ANKRD26: variants seen among roughly 807,000 people sequenced by gnomAD.
The protein encoded by ANKRD26 is ankyrin repeat domain-containing protein 26.
A neutral mutation model predicts 208.7 loss-of-function variants in ANKRD26; 141 were observed. The observed-to-expected ratio is 0.68, with a 90% CI of 0.59 to 0.78. The LOEUF (loss-of-function observed/expected upper bound fraction) is 0.78. Among genes scored for constraint, ANKRD26 ranks in the 30% least tolerant of loss-of-function variants. The pLI is 0.00. For missense variants in ANKRD26, 1,889 were observed against 1,938.7 expected (o/e 0.97, Z 0.48); for synonymous variants, 636 against 660.4 (o/e 0.96, Z 0.57).
intron 5 of ANKRD26, among the ~76,000 whole-genome samples, chr10:26,980,336 T>C (rs1354972074): frequency 1.3e-5 from 2 of 152,190 alleles, no homozygotes; most frequent in African/African-American, 4.8e-5. Context: ...CCTTTGGAAA[T>C]TGACTCTGCT....
chr10:26,955,655 G>A, the ANKRD26 span, among the ~76,000 whole-genome samples: 3 of 152,212 alleles, frequency 2.0e-5, no homozygotes, highest in African/African-American at 4.8e-5. Context: ...TGGCTAGATC[G>A]TGTTGAAATG....
At chr10:27,076,652 T>C (rs915070103) in intron 9 of ANKRD26, among the ~76,000 whole-genome samples, 1 of 152,140 alleles carries the variant, frequency 6.6e-6, no homozygotes, top group South Asian at 2.1e-4. Context: ...CAAGTAGGAA[T>C]GAATGTGGAG....
At chr10:27,079,039 C>A (rs368732491) in intron 7 of ANKRD26, 50 bp downstream of exon 7, 6 of 1,505,176 alleles carry the variant, frequency 4.0e-6, no homozygotes, top group Non-Finnish European at 4.6e-6. Flanking sequence ...GAATACTATA[C>A]GAAACTAGAT....
At chr10:27,050,505 A>C (rs1205573186) in intron 16 of ANKRD26, among the ~76,000 whole-genome samples, 8 of 152,236 alleles carry the variant, frequency 5.3e-5, no homozygotes, top group Admixed American at 5.2e-4. Context: ...AAAATCTTTA[A>C]AGTGATCAGA....
At chr10:27,006,677 C>A (rs1014644942) in intron 33 of ANKRD26, among the ~76,000 whole-genome samples, 1 of 147,724 alleles carries the variant, frequency 6.8e-6, no homozygotes. Context: ...AAAAGAGGTG[C>A]AAAGATTTCT....
chr10:27,049,242 C>G (rs907220502), intron 16 of ANKRD26, among the ~76,000 whole-genome samples: 2 of 152,078 alleles, frequency 1.3e-5, no homozygotes, highest in African/African-American at 4.8e-5. Context: ...ATTTCAAAGG[C>G]TCTTCTTAAT....
At chr10:27,075,915 G>T (rs563087411) in intron 9 of ANKRD26, among the ~76,000 whole-genome samples, 1 of 152,240 alleles carries the variant, frequency 6.6e-6, no homozygotes, top group Non-Finnish European at 1.5e-5. Context: ...TCAGACCACA[G>T]CAGAATACAT....
chr10:27,062,104 C>A, intron 12 of ANKRD26: 1 of 985,344 alleles, frequency 1.0e-6, no homozygotes, highest in Non-Finnish European at 1.2e-6. Flanking sequence ...CACTCACGAT[C>A]TCTCTTCTTT....
chr10:26,982,189 T>C (rs1175377575), intron 4 of ANKRD26, among the ~76,000 whole-genome samples: 5 of 152,210 alleles, frequency 3.3e-5, no homozygotes, highest in African/African-American at 1.2e-4. Context: ...TCAATTTACA[T>C]TGCCAGAGTG....
chr10:26,989,090 A>AT (rs201164761), downstream of ANKRD26, among the ~76,000 whole-genome samples: 2 of 151,944 alleles, frequency 1.3e-5, no homozygotes, highest in Non-Finnish European at 2.9e-5. Flanking sequence ...ATCGGGCAAG[A>AT]TATTTTTTTT....
Position 26,974,489 on chromosome 10 carries a change from C to T in ANKRD26, c.*1835G>A, listed in dbSNP as rs191132007. Among the ~76,000 whole-genome samples, 298 of 152,096 alleles carry T rather than the reference C, an allele frequency of 2.0e-3. 1 individual carries two copies. Among genetic ancestry groups the T allele is most frequent in the Admixed American group, 3.8e-3 (58 of 15,282 alleles). On this transcript the variant is annotated 3_prime_UTR_variant and NMD_transcript_variant, in exon 6 of 6. Coordinates refer to the ANKRD26 transcript ENST00000674670. ...CAGAGTAGCTGGGACTACAGGCACC[C>T]GCCACCACGCCTGGCTAATTTTTTG...
At chr10:26,951,013 C>CTTTTTTTTTTTTTTTTTTTTTTTTT in the ANKRD26 span, among the ~76,000 whole-genome samples, 52 of 100,924 alleles carry the variant, frequency 5.2e-4, 4 homozygotes, top group African/African-American at 2.2e-3. Flanking sequence ...CTTTTCTTTT[C>CTTTTTTTTTTTTTTTTTTTTTTTTT]TTTTTCTTTT....
chr10:26,983,468 G>A lies in ANKRD26; in HGVS notation c.490-655C>T, dbSNP rs74754073. ...AATACCATGTTGCTGTACCCAATTC[G>A]TGGTATGCTAGCCAGTGTCTTGTAG... On this transcript the variant is annotated intron_variant and NMD_transcript_variant, in intron 3 of 5. Coordinates refer to the ANKRD26 transcript ENST00000674670. Among the ~76,000 whole-genome samples, 841 of 152,218 alleles carry A rather than the reference G, an allele frequency of 5.5e-3. 30 individuals carry two copies. In the East Asian group the frequency reaches 0.1, roughly 18 times the overall value.
At chr10:26,995,492 A>G (rs1305487433) in intron 4 of ANKRD26, among the ~76,000 whole-genome samples, 3 of 152,224 alleles carry the variant, frequency 2.0e-5, no homozygotes, top group Non-Finnish European at 2.9e-5. Context: ...ATATGCTAAA[A>G]AAAGGAAGGC....
downstream of ANKRD26, among the ~76,000 whole-genome samples, chr10:26,987,803 C>A (rs1054690213): frequency 6.6e-6 from 1 of 152,082 alleles, no homozygotes; most frequent in Non-Finnish European, 1.5e-5. Context: ...CAAGAGAATG[C>A]GGTACATAAA....
chr10:26,950,593 C>T, the ANKRD26 span, among the ~76,000 whole-genome samples: 3 of 152,252 alleles, frequency 2.0e-5, no homozygotes, highest in Non-Finnish European at 2.9e-5. Context: ...GTGGCACCTC[C>T]TCTGCTTGCT....
In ANKRD26 at chr10:27,047,701, A is replaced by ATACTACTAC. The variant is rs1252384073; in HGVS notation, c.1814+1091_1814+1099dup. 9.3e-3 allele frequency among the ~76,000 whole-genome samples: 1,292 copies of ATACTACTAC among 138,848 alleles called. 11 individuals are homozygous for ATACTACTAC. The highest frequency in any genetic ancestry group is 0.021 in the South Asian group (88 of 4,170). 91.1% of individuals were successfully genotyped at this position (138,848 alleles called of 152,430 possible). On this transcript the variant is annotated intron_variant, in intron 17 of 33. Transcript: ENST00000376087. ...ATTTACCACCAGAAAAACTGTAATAATACTACTACTACTACTACTACTAAT... is the reference window on the plus strand; with the variant it reads ...ATTTACCACCAGAAAAACTGTAATAATACTACTACTACTACTACTACTACTACTACTAAT...
At chr10:27,037,490 C>T (rs985371630) in intron 22 of ANKRD26, among the ~76,000 whole-genome samples, 167 bp from the exon 23 acceptor site, 1 of 152,076 alleles carries the variant, frequency 6.6e-6, no homozygotes, top group Non-Finnish European at 1.5e-5. Flanking sequence ...TAAGTGACAG[C>T]TAAATTAATC....
intron 9 of ANKRD26, among the ~76,000 whole-genome samples, chr10:27,074,126 C>A (rs1232277141): frequency 6.6e-6 from 1 of 152,018 alleles, no homozygotes; most frequent in Non-Finnish European, 1.5e-5. Context: ...AAACAGCATT[C>A]TATAATCCCC....
Sources: gnomAD v4.1 joint callset for allele counts (sites outside exome capture counted in the v4.1 genomes callset) on GRCh38, gnomAD v4.1.1 for gene constraint, MANE v1.5 for transcripts, NCBI Gene and HGNC (gene_info 2026-07-23, HGNC 2026-07-21) for gene names.